NALF1: variants seen among roughly 807,000 people sequenced by gnomAD.
The protein encoded by NALF1 is family with sequence similarity 155 member A.
NALF1 carries 3 observed loss-of-function variants against 48.4 expected under a neutral mutation model. The observed-to-expected ratio is 0.06, with a 90% CI of 0.03 to 0.16. NALF1 has a LOEUF of 0.16. Ranked by LOEUF, NALF1 falls within the 10% of genes least tolerant of loss-of-function variation. The probability of loss-of-function intolerance (pLI) is 1.00; values close to 1 mark genes in which losing one functional copy is unlikely to be tolerated. For missense variants in NALF1, 526 were observed against 571.5 expected (o/e 0.92, Z 0.81); for synonymous variants, 262 against 245.7 (o/e 1.07, Z -0.62).
At chr13:107,803,651 G>C (rs1250809436) in intron 1 of NALF1, among the ~76,000 whole-genome samples, 1 of 152,152 alleles carries the variant, frequency 6.6e-6, no homozygotes, top group Non-Finnish European at 1.5e-5. Flanking sequence ...AGTTCCCTTA[G>C]AAAAGTTACC....
intron 2 of NALF1, among the ~76,000 whole-genome samples, chr13:107,201,377 C>T (rs1879514741): frequency 6.6e-6 from 1 of 152,176 alleles, no homozygotes; most frequent in South Asian, 2.1e-4. Flanking sequence ...GAGATCGAGA[C>T]CAGCCTGGCT....
In NALF1 at chr13:107,734,131, A is replaced by G. The variant is rs566790433; in HGVS notation, c.915+131551T>C. 3.9e-5 allele frequency among the ~76,000 whole-genome samples: 6 copies of G among 152,268 alleles called. No homozygotes were observed. In the East Asian group the frequency reaches 1.2e-3, roughly 29 times the overall value. On this transcript the variant is annotated intron_variant, in intron 1 of 2. Coordinates refer to ENST00000375915, the MANE Select transcript of NALF1 (RefSeq NM_001080396.3). ...TGACGGCTATGATGTCACCAAGAATAGGAATTTTTAGCTGAGCTCCATTAT... is the reference window on the plus strand; with the variant it reads ...TGACGGCTATGATGTCACCAAGAATGGGAATTTTTAGCTGAGCTCCATTAT...
At chr13:107,770,363 A>G (rs1272101193) in intron 1 of NALF1, among the ~76,000 whole-genome samples, 3 of 151,440 alleles carry the variant, frequency 2.0e-5, no homozygotes. Flanking sequence ...GTAAAAGGTC[A>G]ACTCTAAATT....
chr13:107,496,122 T>G (rs1594094313), intron 1 of NALF1, among the ~76,000 whole-genome samples: 1 of 152,188 alleles, frequency 6.6e-6, no homozygotes, highest in South Asian at 2.1e-4. Flanking sequence ...ATTTCTTTAT[T>G]AGAATTGTAA....
intron 1 of NALF1, among the ~76,000 whole-genome samples, chr13:107,453,841 C>T (rs1195891517): frequency 6.6e-6 from 1 of 152,182 alleles, no homozygotes; most frequent in Admixed American, 6.5e-5. Flanking sequence ...CTTTTAGGAG[C>T]ACCCAAGTCA....
intron 1 of NALF1, among the ~76,000 whole-genome samples, chr13:107,290,210 T>TCG (rs1436206585): frequency 6.6e-6 from 1 of 151,060 alleles, no homozygotes; most frequent in African/African-American, 2.4e-5. Context: ...CAGAAATACA[T>TCG]TTTGCCACAA....
At chr13:107,807,445 A>G (rs1226099211) in intron 1 of NALF1, among the ~76,000 whole-genome samples, 1 of 152,204 alleles carries the variant, frequency 6.6e-6, no homozygotes, top group Non-Finnish European at 1.5e-5. Context: ...AAAATTTTCA[A>G]TGCTGATGAG....
intron 1 of NALF1, among the ~76,000 whole-genome samples, chr13:107,763,385 A>C (rs1877321031): frequency 6.8e-6 from 1 of 146,700 alleles, no homozygotes; most frequent in Non-Finnish European, 1.5e-5. Flanking sequence ...TCCTGTTATT[A>C]TTTTCTTCAG....
intron 1 of NALF1, among the ~76,000 whole-genome samples, chr13:107,673,427 T>A (rs1424084855): frequency 6.6e-6 from 1 of 152,140 alleles, no homozygotes; most frequent in Non-Finnish European, 1.5e-5. Flanking sequence ...AGAATTTTAG[T>A]GATTGTGCTC....
intron 1 of NALF1, among the ~76,000 whole-genome samples, chr13:107,856,935 C>T (rs1180417744): frequency 6.6e-6 from 1 of 152,200 alleles, no homozygotes; most frequent in African/African-American, 2.4e-5. Flanking sequence ...GAACACTCTT[C>T]CTTATGTAGA....
At chr13:107,534,561 T>C (rs1876745573) in intron 1 of NALF1, among the ~76,000 whole-genome samples, 1 of 152,146 alleles carries the variant, frequency 6.6e-6, no homozygotes, top group African/African-American at 2.4e-5. Flanking sequence ...GCTGAACAGA[T>C]CAACATATTA....
rs574972674 is a variant in NALF1 at position 107,852,083 on chromosome 13, T to C, written c.915+13599A>G. Among the ~76,000 whole-genome samples the C allele has an allele frequency of 1.2e-3, 177 of 152,118 alleles. 2 individuals carry two copies. Among genetic ancestry groups the C allele is most frequent in the Admixed American group, 3.1e-3 (48 of 15,270 alleles). The stretch of plus-strand genomic sequence containing the variant: ...TCCCAAAGTGCTGGGATTACAGGTA[T>C]GAGCCACCTCACCTGACCCATGCCC... On this transcript the variant is annotated intron_variant, in intron 1 of 2. Transcript: ENST00000375915.
chr13:107,272,979 C>T (rs1256390597), intron 1 of NALF1, among the ~76,000 whole-genome samples: 1 of 152,168 alleles, frequency 6.6e-6, no homozygotes, highest in African/African-American at 2.4e-5. Flanking sequence ...TGATGGGGTT[C>T]AGGACATGCT....
At chr13:107,730,398 C>G (rs1184021913) in intron 1 of NALF1, among the ~76,000 whole-genome samples, 1 of 152,126 alleles carries the variant, frequency 6.6e-6, no homozygotes, top group East Asian at 1.9e-4. Flanking sequence ...TTCCATTTTT[C>G]TGGTGACTGA....
intron 1 of NALF1, among the ~76,000 whole-genome samples, chr13:107,808,054 G>C (rs1878860057): frequency 1.3e-5 from 2 of 151,998 alleles, no homozygotes; most frequent in Admixed American, 1.3e-4. Context: ...AAATGAGGAG[G>C]GTTACATAAG....
chr13:107,671,860 T>C lies in NALF1; in HGVS notation c.915+193822A>G, dbSNP rs375137288. Among the ~76,000 whole-genome samples, 3 of 152,242 alleles carry C rather than the reference T, an allele frequency of 2.0e-5. No individual in the cohort carries two copies. The South Asian group carries it at 6.2e-4, about 32-fold the overall frequency. Reference sequence around the variant, plus strand: ...GTCCTATGCCTGGAAGAATATATATTAAAATGTGAGTAGCTTCCTGTTGAT... The same window carrying C: ...GTCCTATGCCTGGAAGAATATATATCAAAATGTGAGTAGCTTCCTGTTGAT... On this transcript the variant is annotated intron_variant, in intron 1 of 2. Coordinates refer to ENST00000375915, the MANE Select transcript of NALF1 (RefSeq NM_001080396.3).
intron 1 of NALF1, among the ~76,000 whole-genome samples, chr13:107,540,688 C>T (rs1418689141): frequency 2.6e-5 from 4 of 152,074 alleles, no homozygotes; most frequent in Non-Finnish European, 5.9e-5. Flanking sequence ...TCTTCTCCTG[C>T]ACTCTAAACA....
rs146927376 is a variant in NALF1, at chr13:107,415,934, C to T, written c.916-205179G>A. 6.7e-3 allele frequency among the ~76,000 whole-genome samples: 1,027 copies of T among 152,224 alleles called. 15 individuals carry two copies. The highest frequency in any genetic ancestry group is 0.024 in the African/African-American group (998 of 41,544). On this transcript the variant is annotated intron_variant, in intron 1 of 2. Transcript: ENST00000375915. ...TGCTCGATGTTGACGATCTACTTCC[C>T]GGTGTTTTCTACAACTATATTTGTC...
intron 1 of NALF1, among the ~76,000 whole-genome samples, chr13:107,701,067 C>T (rs1387946220): frequency 1.3e-5 from 2 of 152,112 alleles, no homozygotes; most frequent in Non-Finnish European, 2.9e-5. Context: ...TTGTGAAAAG[C>T]AGTATAGAGC....
Sources: gnomAD v4.1 joint callset for allele counts (sites outside exome capture counted in the v4.1 genomes callset) on GRCh38, gnomAD v4.1.1 for gene constraint, MANE v1.5 for transcripts, NCBI Gene and HGNC (gene_info 2026-07-23, HGNC 2026-07-21) for gene names.